Variants in SPAG9 observed in about 807,000 individuals in gnomAD.
SPAG9 encodes C-Jun-amino-terminal kinase-interacting protein 4.
SPAG9 carries 35 observed loss-of-function variants against 166.5 expected under a neutral mutation model. The observed-to-expected ratio is 0.21, with a 90% CI of 0.16 to 0.28. The LOEUF is 0.28. Ranked by LOEUF, SPAG9 falls within the 10% of genes least tolerant of loss-of-function variation. The pLI is 1.00. For synonymous variants in SPAG9, 534 were observed against 565.5 expected, an observed-to-expected ratio of 0.94 and a Z score of 0.79; for missense variants, 1,235 against 1,603.3, an observed-to-expected ratio of 0.77 and a Z score of 3.92.
chr17:51,093,173 G>A (rs560776431), intron 1 of SPAG9, among the ~76,000 whole-genome samples: 2 of 149,698 alleles, frequency 1.3e-5, no homozygotes, highest in South Asian at 2.1e-4. Flanking sequence ...TCAGGAGTTC[G>A]AGACAAGCCT....
intron 6 of SPAG9, chr17:51,030,991 T>C (rs1171217704): frequency 6.7e-6 from 1 of 150,246 alleles, no homozygotes; most frequent in East Asian, 2.0e-4. Context: ...CTTAGCTCAC[T>C]GCAACCTCCA....
chr17:50,980,958 C>G lies in SPAG9; in HGVS notation c.3238-1041G>C, dbSNP rs145504739. ...CTGAGGCTGCAGTGAGCTATGATTG[C>G]GCCCCTGCACTCTATCCTGGGTGAC... On this transcript the variant is annotated intron_variant, in intron 25 of 29. Transcript: ENST00000262013. Among the ~76,000 whole-genome samples, 31 of 152,112 alleles carry G rather than the reference C, an allele frequency of 2.0e-4. 1 individual carries two copies. The highest frequency in any genetic ancestry group is 2.0e-3 in the Admixed American group (30 of 15,286).
chr17:51,035,108 G>A lies in SPAG9; in HGVS notation c.742-3386C>T, dbSNP rs557325591. 2.4e-4 allele frequency among the ~76,000 whole-genome samples: 36 copies of A among 152,300 alleles called. No homozygotes were observed. In the South Asian group the frequency reaches 4.1e-3, roughly 18 times the overall value. On this transcript the variant is annotated intron_variant, in intron 5 of 29. Coordinates refer to ENST00000262013, the MANE Select transcript of SPAG9 (RefSeq NM_001130528.3). Reference sequence around the variant, plus strand: ...GAGGATTACCTGAGGCCAGGAGTTTGAGACCAACCTGGGCAACATAGTGAG... The same window carrying A: ...GAGGATTACCTGAGGCCAGGAGTTTAAGACCAACCTGGGCAACATAGTGAG...
In SPAG9 at chr17:51,064,166, A is replaced by G. The variant is rs540674083; in HGVS notation, c.425-7684T>C. Among the ~76,000 whole-genome samples the G allele has an allele frequency of 2.0e-5, 3 of 152,338 alleles. No homozygotes were observed. In the South Asian group the frequency reaches 6.2e-4, roughly 32 times the overall value. On this transcript the variant is annotated intron_variant, in intron 2 of 29. Coordinates refer to ENST00000262013, the MANE Select transcript of SPAG9 (RefSeq NM_001130528.3). ...ATTAAAATTAAACAGAAGGTTTATCATTCTGCTTAGTTATATTCAGATGTG... is the reference window on the plus strand; with the variant it reads ...ATTAAAATTAAACAGAAGGTTTATCGTTCTGCTTAGTTATATTCAGATGTG...
chr17:51,046,759 C>G (rs571286776), intron 4 of SPAG9: 1 of 1,535,186 alleles, frequency 6.5e-7, no homozygotes, highest in Admixed American at 2.0e-5. Context: ...AGCTTGCTGC[C>G]ACAAAAACAA....
At chr17:51,077,542 G>T (rs1048272905) in intron 2 of SPAG9, among the ~76,000 whole-genome samples, 1 of 152,116 alleles carries the variant, frequency 6.6e-6, no homozygotes, top group Non-Finnish European at 1.5e-5. Context: ...GCTTGCAATT[G>T]CCACAAGACC....
chr17:51,051,052 AAAAG>A (rs1275549076), intron 3 of SPAG9, among the ~76,000 whole-genome samples: 3 of 150,126 alleles, frequency 2.0e-5, no homozygotes, highest in Non-Finnish European at 2.9e-5. Flanking sequence ...AACAAAAAGA[AAAAG>A]AAAGAAGGGA....
intron 19 of SPAG9, among the ~76,000 whole-genome samples, chr17:50,992,409 G>C (rs1975659645): frequency 6.6e-6 from 1 of 152,102 alleles, no homozygotes; most frequent in Admixed American, 6.6e-5. Context: ...TGTTAAGAGG[G>C]CTGGGCATCC....
At chr17:51,053,961 G>C (rs1187972181) in intron 3 of SPAG9, among the ~76,000 whole-genome samples, 2 of 136,546 alleles carry the variant, frequency 1.5e-5, no homozygotes, top group East Asian at 4.5e-4. Flanking sequence ...ACAGTACATA[G>C]AGTACATTGT....
intron 3 of SPAG9, among the ~76,000 whole-genome samples, chr17:51,049,243 T>C (rs193039322): frequency 7.2e-5 from 11 of 151,774 alleles, no homozygotes; most frequent in Middle Eastern, 3.4e-3. Context: ...GGCACTCGCC[T>C]ATAGTCCCTA....
intron 5 of SPAG9, among the ~76,000 whole-genome samples, chr17:51,033,738 T>C (rs959406040): frequency 6.6e-6 from 1 of 152,232 alleles, no homozygotes; most frequent in African/African-American, 2.4e-5. Flanking sequence ...ACAACATTTC[T>C]AGTACATGGC....
At position 51,110,049 on chromosome 17, in the gene SPAG9, T is replaced by C. The variant is rs139597800; in HGVS notation, c.303+10305A>G. 2.9e-3 allele frequency among the ~76,000 whole-genome samples: 436 copies of C among 152,300 alleles called. 1 individual carries two copies. The highest frequency in any genetic ancestry group is 0.01 in the African/African-American group (418 of 41,558). ...TCAAACGTAAATAATATGGTGGTTA[T>C]ATGGCAGAATATTCTCATTTTTTAG... On this transcript the variant is annotated intron_variant, in intron 1 of 29. Transcript: ENST00000262013.
At chr17:51,109,618 T>C (rs9908224) in intron 1 of SPAG9, among the ~76,000 whole-genome samples, 1 of 152,118 alleles carries the variant, frequency 6.6e-6, no homozygotes, top group Non-Finnish European at 1.5e-5. Flanking sequence ...TATAAACATA[T>C]TAAGAAGCTA....
chr17:51,026,724 T>C (rs2046194784), intron 6 of SPAG9, among the ~76,000 whole-genome samples: 2 of 149,868 alleles, frequency 1.3e-5, no homozygotes, highest in South Asian at 4.2e-4. Flanking sequence ...TGCCCCAGGC[T>C]GTAGTGCAAT....
rs534658228 is a variant in SPAG9, at chr17:50,971,828, C to T, written c.3701-972G>A. Among the ~76,000 whole-genome samples, 18 of 151,942 alleles carry T rather than the reference C, an allele frequency of 1.2e-4. No homozygotes were observed. The South Asian group carries it at 2.7e-3, about 23-fold the overall frequency. On this transcript the variant is annotated intron_variant, in intron 28 of 29. Coordinates refer to ENST00000262013, the MANE Select transcript of SPAG9 (RefSeq NM_001130528.3). ...TGTGGCCCAGGTTAGAGTGCAATGGCGCGATCTCGGCTCACTGCAACCTTC... is the reference window on the plus strand; with the variant it reads ...TGTGGCCCAGGTTAGAGTGCAATGGTGCGATCTCGGCTCACTGCAACCTTC...
At chr17:50,981,506 AT>A (rs1389922517) in intron 25 of SPAG9, among the ~76,000 whole-genome samples, 5 of 150,456 alleles carry the variant, frequency 3.3e-5, no homozygotes, top group African/African-American at 1.2e-4. Context: ...AGATAGATAG[AT>A]AGATAGATAG....
intron 9 of SPAG9, among the ~76,000 whole-genome samples, chr17:51,010,604 T>C (rs2045439752): frequency 1.4e-5 from 2 of 144,744 alleles, no homozygotes; most frequent in South Asian, 2.2e-4. Context: ...TATATATACA[T>C]ATATGTATGT....
chr17:51,016,863 T>C (rs2045719310), intron 8 of SPAG9, among the ~76,000 whole-genome samples: 1 of 151,914 alleles, frequency 6.6e-6, no homozygotes, highest in Admixed American at 6.6e-5. Context: ...ATCACACCAC[T>C]GCACTCCAGC....
intron 8 of SPAG9, among the ~76,000 whole-genome samples, chr17:51,016,622 G>C (rs140222459): frequency 6.6e-6 from 1 of 152,346 alleles, no homozygotes; most frequent in Admixed American, 6.5e-5. Flanking sequence ...TAAAAGAAAT[G>C]AAATGGGCCG....
Sources: gnomAD v4.1 joint callset for allele counts (sites outside exome capture counted in the v4.1 genomes callset) on GRCh38, gnomAD v4.1.1 for gene constraint, MANE v1.5 for transcripts, NCBI Gene and HGNC (gene_info 2026-07-23, HGNC 2026-07-21) for gene names.